UNC13C: variants seen among roughly 807,000 people sequenced by gnomAD.
UNC13C encodes unc-13 homolog C.
Under a neutral mutation model 245.4 loss-of-function variants are expected in UNC13C, and 174 were observed. The ratio of observed to expected loss-of-function variants is 0.71; its 90% CI spans 0.63 to 0.80. The LOEUF (loss-of-function observed/expected upper bound fraction) is 0.80. Ranked by LOEUF, UNC13C falls within the 30% of genes least tolerant of loss-of-function variation. The probability of loss-of-function intolerance (pLI) is 0.00; values close to 1 mark genes in which losing one functional copy is unlikely to be tolerated. For synonymous variants in UNC13C, 992 were observed against 895.1 expected (o/e 1.11, Z -1.93); for missense variants, 2,829 against 2,602.9 (o/e 1.09, Z -1.89).
At chr15:53,870,699 G>T in the UNC13C span, among the ~76,000 whole-genome samples, 1 of 152,012 alleles carries the variant, frequency 6.6e-6, no homozygotes, top group African/African-American at 2.4e-5. Flanking sequence ...ATGTACTTTA[G>T]CCCATCTTCA....
chr15:53,970,516 C>T, the UNC13C span, among the ~76,000 whole-genome samples: 1 of 152,310 alleles, frequency 6.6e-6, no homozygotes, highest in South Asian at 2.1e-4. Flanking sequence ...TATGCAAATA[C>T]ATCTTTGAGA....
intron 2 of UNC13C, among the ~76,000 whole-genome samples, chr15:54,137,188 A>G (rs2031781795): frequency 6.6e-6 from 1 of 152,134 alleles, no homozygotes; most frequent in Non-Finnish European, 1.5e-5. Flanking sequence ...CTTGCATCCT[A>G]GGGATAAATT....
At chr15:54,037,429 T>G (rs114567328) in intron 2 of UNC13C, among the ~76,000 whole-genome samples, 2 of 152,080 alleles carry the variant, frequency 1.3e-5, no homozygotes, top group Non-Finnish European at 2.9e-5. Flanking sequence ...TGATTTATCA[T>G]GCAAAAATAA....
chr15:53,995,088 A>G (rs1416189444), intron 1 of UNC13C, among the ~76,000 whole-genome samples: 1 of 152,180 alleles, frequency 6.6e-6, no homozygotes, highest in Non-Finnish European at 1.5e-5. Context: ...CTGAGGTGAC[A>G]TTATAGTTCA....
chr15:54,209,208 T>G (rs925399866), intron 4 of UNC13C, among the ~76,000 whole-genome samples: 1 of 152,022 alleles, frequency 6.6e-6, no homozygotes, highest in Non-Finnish European at 1.5e-5. Flanking sequence ...ATGGGGTAAA[T>G]GTCTTAGAAA....
intron 2 of UNC13C, among the ~76,000 whole-genome samples, chr15:54,054,776 G>T (rs895131041): frequency 6.6e-6 from 1 of 152,048 alleles, no homozygotes; most frequent in African/African-American, 2.4e-5. Flanking sequence ...GAGCCCAAAT[G>T]ACATTTTCAC....
intron 10 of UNC13C, among the ~76,000 whole-genome samples, chr15:54,269,671 T>G (rs1157454212): frequency 1.3e-5 from 2 of 152,124 alleles, no homozygotes; most frequent in African/African-American, 4.8e-5. Context: ...CCCACCAGAC[T>G]GGCTAAAATG....
At chr15:54,603,158 A>T (rs939128169) in intron 30 of UNC13C, among the ~76,000 whole-genome samples, 1 of 152,068 alleles carries the variant, frequency 6.6e-6, no homozygotes, top group Non-Finnish European at 1.5e-5. Flanking sequence ...CTCATGGTAA[A>T]TGTTTTCCTT....
At chr15:54,536,368 G>A (rs1249946548) in intron 26 of UNC13C, among the ~76,000 whole-genome samples, 1 of 151,876 alleles carries the variant, frequency 6.6e-6, no homozygotes, top group African/African-American at 2.4e-5. Flanking sequence ...AAAGGCCCTG[G>A]AGCAGATGGA....
At chr15:54,621,401 T>C (rs1900787959) in intron 30 of UNC13C, among the ~76,000 whole-genome samples, 1 of 152,172 alleles carries the variant, frequency 6.6e-6, no homozygotes, top group South Asian at 2.1e-4. Context: ...AATTAAACAA[T>C]TGAAATATGG....
At chr15:54,524,931 A>T (rs900109088) in intron 24 of UNC13C, among the ~76,000 whole-genome samples, 4 of 152,164 alleles carry the variant, frequency 2.6e-5, no homozygotes, top group African/African-American at 9.6e-5. Context: ...GCTTGATACA[A>T]TAGACCTATT....
intron 30 of UNC13C, among the ~76,000 whole-genome samples, chr15:54,581,961 A>T (rs1898221641): frequency 6.6e-6 from 1 of 152,048 alleles, no homozygotes; most frequent in Non-Finnish European, 1.5e-5. Context: ...GAGACCTAGA[A>T]GGAGAGGAGG....
At chr15:53,943,356 C>G in the UNC13C span, among the ~76,000 whole-genome samples, 1 of 151,992 alleles carries the variant, frequency 6.6e-6, no homozygotes, top group African/African-American at 2.4e-5. Context: ...AAATTGACCA[C>G]TTACTTTTTC....
chr15:54,624,538 A>G (rs931629251), intron 32 of UNC13C, among the ~76,000 whole-genome samples: 2 of 152,164 alleles, frequency 1.3e-5, no homozygotes, highest in African/African-American at 4.8e-5. Context: ...TTTCAATTCT[A>G]AGTTCAATAG....
chr15:54,044,033 T>A (rs2141039148), intron 2 of UNC13C, among the ~76,000 whole-genome samples: 2 of 152,342 alleles, frequency 1.3e-5, no homozygotes, highest in South Asian at 4.1e-4. Flanking sequence ...TTTGGAACTT[T>A]TGTCACCCCA....
At chr15:54,445,643 GT>G (rs775020998) in intron 19 of UNC13C, among the ~76,000 whole-genome samples, 2 of 152,090 alleles carry the variant, frequency 1.3e-5, no homozygotes, top group Admixed American at 1.3e-4. Context: ...TGATGGGGTT[GT>G]TTTTTTCTTG....
intron 30 of UNC13C, among the ~76,000 whole-genome samples, chr15:54,600,792 C>G (rs535654859): frequency 1.4e-4 from 22 of 152,174 alleles, no homozygotes; most frequent in African/African-American, 5.3e-4. Context: ...CTAATGTTAA[C>G]TGAGTGTCCA....
chr15:54,372,750 A>T (rs1198166241), intron 17 of UNC13C, among the ~76,000 whole-genome samples: 2 of 152,212 alleles, frequency 1.3e-5, no homozygotes, highest in Non-Finnish European at 2.9e-5. Context: ...GAAGAATTGC[A>T]TGCAGAAATT....
chr15:54,602,569 TTTTTA>T (rs1899497631), intron 30 of UNC13C, among the ~76,000 whole-genome samples: 1 of 152,214 alleles, frequency 6.6e-6, no homozygotes, highest in Non-Finnish European at 1.5e-5. Flanking sequence ...CTAAGTTTTC[TTTTTA>T]TTTTGAGATT....
Sources: allele counts gnomAD v4.1 joint callset (sites outside exome capture counted in the v4.1 genomes callset), GRCh38; gene constraint gnomAD v4.1.1; transcripts MANE v1.5; gene names NCBI Gene and HGNC (gene_info 2026-07-23, HGNC 2026-07-21).